ZC3HAV1L: variants seen among roughly 807,000 people sequenced by gnomAD.
ZC3HAV1L encodes the protein zinc finger CCCH-type antiviral protein 1-like.
A neutral mutation model predicts 28.2 loss-of-function variants in ZC3HAV1L; 23 were observed. That is an observed-to-expected ratio of 0.82 (90% CI 0.59 to 1.16). The LOEUF is 1.16. Ranked by LOEUF, ZC3HAV1L falls within the 50% of genes most tolerant of loss-of-function variation. The probability of loss-of-function intolerance (pLI) is 0.00; values close to 1 mark genes in which losing one functional copy is unlikely to be tolerated. For missense variants in ZC3HAV1L, 376 were observed against 387.7 expected, an observed-to-expected ratio of 0.97 and a Z score of 0.25; for synonymous variants, 180 against 163.4, an observed-to-expected ratio of 1.10 and a Z score of -0.78.
At chr7:139,029,003 T>G (rs776398844) in intron 2 of ZC3HAV1L, 43 bp from the exon 3 acceptor site, 4 of 1,570,050 alleles carry the variant, frequency 2.5e-6, no homozygotes, top group Non-Finnish European at 2.6e-6. Flanking sequence ...TAGTTTTTCT[T>G]TTTTTTTTGG....
downstream of ZC3HAV1L, chr7:139,022,429 C>T (rs1056252364): frequency 9.4e-6 from 4 of 424,872 alleles, no homozygotes; most frequent in Non-Finnish European, 1.9e-5. Context: ...ACCTATAGTC[C>T]CGGCTACTAG....
chr7:139,035,232 A>C, intron 1 of ZC3HAV1L: 1 of 985,376 alleles, frequency 1.0e-6, no homozygotes, highest in Non-Finnish European at 1.2e-6. Context: ...CTTCTGCACA[A>C]GTGTGTGGAT....
intron 3 of ZC3HAV1L, 107 bp from the exon 4 acceptor site, chr7:139,026,940 G>C: frequency 8.1e-7 from 1 of 1,241,224 alleles, no homozygotes; most frequent in Non-Finnish European, 1.1e-6. Flanking sequence ...CCAACACATG[G>C]ATTTGGAGAG....
intron 2 of ZC3HAV1L, chr7:139,033,809 G>A (rs1333301406): frequency 1.0e-6 from 1 of 985,452 alleles, no homozygotes. Context: ...CTCTGAGACA[G>A]GAAGGACTGG....
At position 139,026,155 on chromosome 7, in the gene ZC3HAV1L, A is replaced by C. The variant is rs1158235908; in HGVS notation, c.*389T>G. ...CTCAAAAAAAAAAACTGTTAGAAAAAGCCAAGTAGTTAAACAAACTATGAT... is the reference window on the plus strand; with the variant it reads ...CTCAAAAAAAAAAACTGTTAGAAAACGCCAAGTAGTTAAACAAACTATGAT... On this transcript the variant is annotated 3_prime_UTR_variant, in exon 5 of 5. Transcript: ENST00000275766. 1.1e-5 allele frequency: 2 copies of C among 182,686 alleles called. No homozygotes were observed. The highest frequency in any genetic ancestry group is 4.7e-5 in the African/African-American group (2 of 42,202). 11.3% of individuals were successfully genotyped at this position (182,686 alleles called of 1,614,324 possible).
Position 139,026,723 on chromosome 7 carries a change from T to G in ZC3HAV1L, c.871A>C (p.Lys291Gln), listed in dbSNP as rs1475439061. 1 of 1,613,986 alleles carries G rather than the reference T, an allele frequency of 6.2e-7. No individual in the cohort carries two copies. Among genetic ancestry groups the G allele is most frequent in the African/African-American group, 1.3e-5 (1 of 74,930 alleles). ...PLASVPAQSAKKPCPVSCEK is the reference protein window; with the variant it reads ...PLASVPAQSAQKPCPVSCEK ...TAAGGTTTACCTGGGCAGGGCTTCT[T>G]GGCCGACTGAGCAGGGACAGAAGCC... is the stretch of plus-strand genomic sequence containing the variant. Residue 291 changes from lysine (K) to glutamine (Q), a missense_variant, in exon 4 of 5, where the codon AAG becomes CAG. By Grantham distance (53) the Lys-to-Gln change is moderately conservative (BLOSUM62 1). Transcript: ENST00000275766.
At chr7:139,021,856 A>C (rs1490750202), downstream of ZC3HAV1L, among the ~76,000 whole-genome samples, 1 of 152,158 alleles carries the variant, frequency 6.6e-6, no homozygotes, top group Non-Finnish European at 1.5e-5. Flanking sequence ...CAAAAACAAA[A>C]TAGAAATACC....
chr7:139,022,312 G>A (rs1815260810), downstream of ZC3HAV1L: 1 of 298,998 alleles, frequency 3.3e-6, no homozygotes. Context: ...CAGAGGCCAA[G>A]GCGGGAGGAC....
intron 2 of ZC3HAV1L, among the ~76,000 whole-genome samples, chr7:139,031,585 A>G (rs1815533809): frequency 7.0e-6 from 1 of 142,074 alleles, no homozygotes; most frequent in Non-Finnish European, 1.5e-5. Flanking sequence ...GACTCTGTCT[A>G]CAAAACAAAC....
chr7:139,029,058 A>G, intron 2 of ZC3HAV1L, 98 bp from the exon 3 acceptor site: 2 of 1,397,130 alleles, frequency 1.4e-6, no homozygotes, highest in Non-Finnish European at 9.5e-7. Context: ...GCTGGAGTAC[A>G]GTGGCACCAT....
chr7:139,027,910 A>C (rs1815401718), intron 3 of ZC3HAV1L, among the ~76,000 whole-genome samples: 1 of 152,192 alleles, frequency 6.6e-6, no homozygotes, highest in African/African-American at 2.4e-5. Context: ...ATCATATACA[A>C]TTTTCATTTC....
At chr7:139,034,218 T>A (rs1313930268) in intron 2 of ZC3HAV1L, 3 of 976,334 alleles carry the variant, frequency 3.1e-6, no homozygotes, top group African/African-American at 1.8e-5. Context: ...TTCCCATCCC[T>A]CTTCTGGCCA....
intron 1 of ZC3HAV1L, chr7:139,034,919 C>A: frequency 1.0e-6 from 1 of 985,450 alleles, no homozygotes; most frequent in Non-Finnish European, 1.2e-6. Flanking sequence ...GGTCGCCCAC[C>A]TCGCCTGAGG....
At chr7:139,035,509 A>G in intron 1 of ZC3HAV1L, 144 bp downstream of exon 1, 1 of 1,306,840 alleles carries the variant, frequency 7.7e-7, no homozygotes, top group Non-Finnish European at 9.7e-7. Flanking sequence ...GACGCCCAGG[A>G]AAGGCCTGCG....
chr7:139,033,936 C>T (rs1032715513), intron 2 of ZC3HAV1L: 11 of 985,308 alleles, frequency 1.1e-5, no homozygotes, highest in Non-Finnish European at 1.3e-5. Context: ...GGCTCACAAC[C>T]GTGACATACC....
chr7:139,035,970 G>T lies in ZC3HAV1L; in HGVS notation c.48C>A (p.Ala16=). The T allele has an allele frequency of 6.6e-7, 1 of 1,522,930 alleles. No homozygotes were observed. The highest frequency in any genetic ancestry group is 1.2e-5 in the South Asian group (1 of 82,510). 94.3% of individuals were successfully genotyped at this position (1,522,930 alleles called of 1,614,324 possible). The change falls in exon 1 of 5, where the codon GCC becomes GCA. Residue 16 remains alanine (A), a synonymous_variant. Transcript: ENST00000275766. ...VCSFLTKVLC[A]HGGRMFLKDL... ...CCTTCAGGAACATGCGGCCGCCGTG[G>T]GCGCACAGCACCTTGGTGAGGAAGG... is the stretch of plus-strand genomic sequence containing the variant.
rs776434917 is a variant in ZC3HAV1L, at chr7:139,026,841, G to A, written c.761-8C>T. On this transcript the variant is annotated splice_region_variant and splice_polypyrimidine_tract_variant and intron_variant, in intron 3 of 4. Transcript: ENST00000275766. ...TCGAAGGTGATGAATTATCTACAAAGAGGAAAGGGATAAGTTTTCCTACGA... is the reference window on the plus strand; with the variant it reads ...TCGAAGGTGATGAATTATCTACAAAAAGGAAAGGGATAAGTTTTCCTACGA... 4.4e-6 allele frequency: 7 copies of A among 1,604,704 alleles called. No homozygotes were observed. Among genetic ancestry groups the A allele is most frequent in the Admixed American group, 1.7e-5 (1 of 58,866 alleles).
At chr7:139,024,518 A>T (rs577378330), downstream of ZC3HAV1L, among the ~76,000 whole-genome samples, 9 of 152,168 alleles carry the variant, frequency 5.9e-5, no homozygotes, top group African/African-American at 1.2e-4. Flanking sequence ...AAATGTAAAA[A>T]TTTTTTTAAT....
chr7:139,031,226 T>C (rs1207092264), intron 2 of ZC3HAV1L, among the ~76,000 whole-genome samples: 1 of 152,128 alleles, frequency 6.6e-6, no homozygotes, highest in Non-Finnish European at 1.5e-5. Flanking sequence ...GGATGGCAAA[T>C]TGCTTGAGCC....
Sources: gnomAD v4.1 joint callset for allele counts (sites outside exome capture counted in the v4.1 genomes callset) on GRCh38, gnomAD v4.1.1 for gene constraint, MANE v1.5 for transcripts, NCBI Gene and HGNC (gene_info 2026-07-23, HGNC 2026-07-21) for gene names.